Variants in CCDC150 observed in about 807,000 individuals in gnomAD.
The protein encoded by CCDC150 is coiled-coil domain containing 150.
In CCDC150, 151 loss-of-function variants were observed where a neutral mutation model predicts 156.5. The observed-to-expected ratio is 0.97, with a 90% CI of 0.85 to 1.10. The LOEUF is 1.10. Among genes scored for constraint, CCDC150 ranks in the 50% least tolerant of loss-of-function variants. The pLI, the probability that CCDC150 is intolerant of heterozygous loss-of-function variation, is 0.00. For synonymous variants in CCDC150, 452 were observed against 429.4 expected (o/e 1.05, Z -0.65); for missense variants, 1,312 against 1,268.1 (o/e 1.03, Z -0.53).
chr2:196,691,529 T>C (rs1383537747), intron 13 of CCDC150, among the ~76,000 whole-genome samples: 7 of 152,248 alleles, frequency 4.6e-5, no homozygotes, highest in African/African-American at 1.7e-4. Context: ...GATGGTTGTT[T>C]GTATTTCTGT....
Position 196,719,518 on chromosome 2 carries a change from T to C in CCDC150, c.2017T>C (p.Leu673=), listed in dbSNP as rs1370744163. ...NKKVGNFQRQ[L]AEAKEDNCKV... ...TTAGGTGGGAAACTTTCAGCGACAA[T>C]TGGCAGAAGCTAAAGAAGACAACTG... Residue 673 remains leucine, a synonymous_variant, in exon 19 of 28, where the codon TTG becomes CTG. Coordinates refer to ENST00000389175, the MANE Select transcript of CCDC150 (RefSeq NM_001080539.2). 6.2e-7 allele frequency: 1 copy of C among 1,610,036 alleles called. No homozygotes were observed. The highest frequency in any genetic ancestry group is 8.5e-7 in the Non-Finnish European group (1 of 1,178,608).
intron 2 of CCDC150, among the ~76,000 whole-genome samples, chr2:196,652,220 T>C (rs76152243): frequency 0.011 from 1,600 of 152,312 alleles, 23 homozygotes; most frequent in African/African-American, 0.036. Context: ...TTCTCAATAG[T>C]ACACTAAAGG....
chr2:196,677,245 T>C (rs1309285788), intron 12 of CCDC150, 48 bp from the exon 13 acceptor site: 3 of 1,207,724 alleles, frequency 2.5e-6, no homozygotes, highest in South Asian at 2.6e-5. Context: ...GCCTGTCAGC[T>C]GCTATAAAAT....
intron 2 of CCDC150, among the ~76,000 whole-genome samples, chr2:196,648,715 C>T (rs1204074601): frequency 6.6e-6 from 1 of 152,080 alleles, no homozygotes; most frequent in East Asian, 1.9e-4. Flanking sequence ...ATTGCTGAGA[C>T]CAATGTCAAA....
At chr2:196,646,280 C>A (rs914462143) in intron 1 of CCDC150, 61 bp from the exon 2 acceptor site, 6 of 1,462,126 alleles carry the variant, frequency 4.1e-6, no homozygotes, top group Non-Finnish European at 5.7e-6. Context: ...ACAGGAATGG[C>A]AGTGACTATT....
intron 23 of CCDC150, 70 bp from the exon 24 acceptor site, chr2:196,729,723 C>T: frequency 1.9e-6 from 2 of 1,030,268 alleles, no homozygotes; most frequent in Non-Finnish European, 2.9e-6. Context: ...TTCTGTCATC[C>T]TATAGGCAAA....
intron 13 of CCDC150, among the ~76,000 whole-genome samples, chr2:196,681,908 G>T (rs954853829): frequency 3.3e-5 from 5 of 151,978 alleles, no homozygotes; most frequent in Admixed American, 1.3e-4. Flanking sequence ...CATTCTGTGG[G>T]TTGTATTTTT....
At chr2:196,692,957 T>A (rs1227186624) in intron 13 of CCDC150, among the ~76,000 whole-genome samples, 1 of 152,198 alleles carries the variant, frequency 6.6e-6, no homozygotes, top group South Asian at 2.1e-4. Flanking sequence ...GTCTGTCTCT[T>A]TGAAGGTCTC....
intron 1 of CCDC150, among the ~76,000 whole-genome samples, chr2:196,644,018 A>C (rs965188089): frequency 2.0e-5 from 3 of 152,108 alleles, no homozygotes; most frequent in African/African-American, 7.2e-5. Flanking sequence ...TTTATATTTG[A>C]GAGTGAGCTG....
chr2:196,641,171 G>A (rs1692205942), intron 1 of CCDC150, among the ~76,000 whole-genome samples: 1 of 151,972 alleles, frequency 6.6e-6, no homozygotes, highest in Admixed American at 6.6e-5. Flanking sequence ...GTGAGACGGG[G>A]TTTCGCCGTG....
intron 15 of CCDC150, among the ~76,000 whole-genome samples, chr2:196,710,719 A>C (rs1056130482): frequency 6.6e-6 from 1 of 152,390 alleles, no homozygotes; most frequent in African/African-American, 2.4e-5. Context: ...GATGAATCTC[A>C]TAAAACAATA....
Position 196,719,677 on chromosome 2 carries a change from T to A in CCDC150, c.2165+11T>A. The A allele has an allele frequency of 6.3e-7, 1 of 1,587,318 alleles. No individual in the cohort carries two copies. Among genetic ancestry groups the A allele is most frequent in the Non-Finnish European group, 8.6e-7 (1 of 1,168,392 alleles). On this transcript the variant is annotated intron_variant, in intron 19 of 27. Transcript: ENST00000389175. ...CCTCAAGAAAGAAAGGTACCTGTGG[T>A]TTTTTTTCCCTGTCATTGGTATTGC...
At position 196,646,462 on chromosome 2, in the gene CCDC150, C is replaced by G. The variant is rs1031686582; in HGVS notation, c.134C>G (p.Ser45Ter). Residue 45 changes from serine (S) to a stop codon, truncating the protein, a stop_gained, in exon 2 of 28, where the codon TCA (serine) becomes TGA (stop). Coordinates refer to ENST00000389175, the MANE Select transcript of CCDC150 (RefSeq NM_001080539.2). LOFTEE classifies it high-confidence loss of function. ...RMRIVEEQTS[S>*]LRDDLIMLDF... ...AGAATAGTTGAGGAACAGACCAGTT[C>G]ACTGAGGGATGACCTAATAATGTTG... The G allele has an allele frequency of 1.9e-6, 3 of 1,613,652 alleles. No individual in the cohort carries two copies. The African/African-American group carries it at 4.0e-5, about 22-fold the overall frequency.
chr2:196,714,122 G>A (rs749113878), intron 17 of CCDC150, among the ~76,000 whole-genome samples: 6 of 152,150 alleles, frequency 3.9e-5, no homozygotes, highest in South Asian at 2.1e-4. Context: ...TCTAGAGTGG[G>A]CTACTATTAC....
intron 2 of CCDC150, among the ~76,000 whole-genome samples, chr2:196,650,835 A>G (rs1293429585): frequency 1.3e-5 from 2 of 152,080 alleles, no homozygotes; most frequent in Non-Finnish European, 2.9e-5. Context: ...CTCCTCTTCA[A>G]TTTTTGACAG....
intron 1 of CCDC150, among the ~76,000 whole-genome samples, chr2:196,644,591 C>G (rs1373813306): frequency 6.6e-6 from 1 of 151,966 alleles, no homozygotes; most frequent in South Asian, 2.1e-4. Flanking sequence ...AGCCCCACTT[C>G]GAATATTTTG....
intron 17 of CCDC150, 110 bp from the exon 18 acceptor site, chr2:196,718,393 T>G (rs1431811287): frequency 2.5e-6 from 2 of 802,628 alleles, no homozygotes; most frequent in Non-Finnish European, 3.8e-6. Flanking sequence ...GTTCTATTTA[T>G]AGTAGTGAAT....
rs560188898 is a variant in CCDC150, at chr2:196,652,918, C to T, written c.177-3715C>T. 3.6e-4 allele frequency among the ~76,000 whole-genome samples: 55 copies of T among 152,342 alleles called. No individual in the cohort carries two copies. The South Asian group carries it at 0.01, about 29-fold the overall frequency. On this transcript the variant is annotated intron_variant, in intron 2 of 27. Transcript: ENST00000389175. ...ACTACAAAGGCTTATGGCCTATGTC[C>T]TCTGAAGCAGTGACCTGAGCTGTAT...
intron 2 of CCDC150, among the ~76,000 whole-genome samples, chr2:196,651,334 G>A (rs1692860915): frequency 6.6e-6 from 1 of 152,130 alleles, no homozygotes; most frequent in African/African-American, 2.4e-5. Context: ...TGCTATTACA[G>A]CATTAGAGTG....
Sources: gnomAD v4.1 joint callset for allele counts (sites outside exome capture counted in the v4.1 genomes callset) on GRCh38, gnomAD v4.1.1 for gene constraint, MANE v1.5 for transcripts, NCBI Gene and HGNC (gene_info 2026-07-23, HGNC 2026-07-21) for gene names.